PTPRG: variants seen among roughly 807,000 people sequenced by gnomAD.
PTPRG encodes the protein receptor-type tyrosine-protein phosphatase gamma.
In PTPRG, 102 loss-of-function variants were observed where a neutral mutation model predicts 165.3. The observed-to-expected ratio is 0.62, with a 90% confidence interval of 0.53 to 0.73. The LOEUF (loss-of-function observed/expected upper bound fraction) is 0.73, where lower values mean the gene tolerates loss of function less well. Ranked by LOEUF, PTPRG falls within the 30% of genes least tolerant of loss-of-function variation. The pLI, the probability that PTPRG is intolerant of heterozygous loss-of-function variation, is 0.00. For missense variants in PTPRG, 1,866 were observed against 1,861.4 expected (o/e 1.00, Z -0.05); for synonymous variants, 675 against 669.5 (o/e 1.01, Z -0.13).
At chr3:61,899,124 C>T (rs908180770) in intron 2 of PTPRG, among the ~76,000 whole-genome samples, 1 of 152,124 alleles carries the variant, frequency 6.6e-6, no homozygotes, top group African/African-American at 2.4e-5. Context: ...ATTCTGTTAG[C>T]CAGGCTGTAA....
intron 28 of PTPRG, among the ~76,000 whole-genome samples, chr3:62,290,068 A>G (rs1702824941): frequency 6.6e-6 from 1 of 152,152 alleles, no homozygotes; most frequent in African/African-American, 2.4e-5. Flanking sequence ...CTTCCCATGC[A>G]TGAAGTGAAA....
intron 1 of PTPRG, among the ~76,000 whole-genome samples, chr3:61,681,727 CAGT>C (rs1559555124): frequency 1.3e-5 from 2 of 152,090 alleles, no homozygotes; most frequent in Non-Finnish European, 2.9e-5. Context: ...ACCAAATAAA[CAGT>C]AGCCATTATG....
At chr3:61,564,140 C>T (rs574185716) in intron 1 of PTPRG, among the ~76,000 whole-genome samples, 31 of 152,312 alleles carry the variant, frequency 2.0e-4, no homozygotes, top group Non-Finnish European at 4.0e-4. Flanking sequence ...AAACAGCTGC[C>T]TTCATTCACT....
At chr3:61,865,412 G>C (rs1389924285) in intron 2 of PTPRG, among the ~76,000 whole-genome samples, 1 of 152,146 alleles carries the variant, frequency 6.6e-6, no homozygotes, top group Non-Finnish European at 1.5e-5. Context: ...TGAGGAAACG[G>C]GATATTAGAG....
chr3:61,965,811 T>C (rs1410849321), intron 2 of PTPRG, among the ~76,000 whole-genome samples: 5 of 152,358 alleles, frequency 3.3e-5, no homozygotes, highest in East Asian at 1.9e-4. Flanking sequence ...ATGAAGAGTT[T>C]AGGTAACTTG....
intron 1 of PTPRG, among the ~76,000 whole-genome samples, chr3:61,707,448 G>A (rs1369663944): frequency 1.3e-5 from 2 of 152,074 alleles, no homozygotes; most frequent in Non-Finnish European, 2.9e-5. Context: ...TGAAGACCCA[G>A]GAAGAGCTGA....
At chr3:61,956,599 A>G (rs1176898091) in intron 2 of PTPRG, among the ~76,000 whole-genome samples, 1 of 152,234 alleles carries the variant, frequency 6.6e-6, no homozygotes, top group Non-Finnish European at 1.5e-5. Flanking sequence ...GCCAGTCACC[A>G]TATCTGGAGA....
chr3:61,885,680 T>TCC (rs1559669115), intron 2 of PTPRG, among the ~76,000 whole-genome samples: 11 of 2,948 alleles, frequency 3.7e-3, no homozygotes, highest in Non-Finnish European at 6.1e-3. Flanking sequence ...TCCTCTCCTC[T>TCC]CCTCTCCTCT....
intron 1 of PTPRG, among the ~76,000 whole-genome samples, chr3:61,621,098 GTTCTTATA>G (rs1376221917): frequency 4.4e-5 from 6 of 137,184 alleles, no homozygotes; most frequent in African/African-American, 1.4e-4. Flanking sequence ...TATCTGTTAT[GTTCTTATA>G]CTAAAATCCT....
chr3:62,212,922 A>G (rs1254520077), intron 12 of PTPRG, among the ~76,000 whole-genome samples: 7 of 152,226 alleles, frequency 4.6e-5, no homozygotes, highest in African/African-American at 1.7e-4. Flanking sequence ...CAAGTCAGGC[A>G]GGAATTGAAG....
chr3:61,680,651 AAG>A (rs1703405681), intron 1 of PTPRG, among the ~76,000 whole-genome samples: 1 of 151,846 alleles, frequency 6.6e-6, no homozygotes, highest in African/African-American at 2.4e-5. Flanking sequence ...GGAAAAAAAA[AAG>A]AGGGCATGGA....
chr3:61,842,396 C>A (rs926562056), intron 2 of PTPRG, among the ~76,000 whole-genome samples: 1 of 152,184 alleles, frequency 6.6e-6, no homozygotes, highest in African/African-American at 2.4e-5. Context: ...CTCAAGTCTT[C>A]AGTCTGCACC....
At chr3:61,840,495 G>A (rs555475889) in intron 2 of PTPRG, among the ~76,000 whole-genome samples, 1 of 152,272 alleles carries the variant, frequency 6.6e-6, no homozygotes, top group African/African-American at 2.4e-5. Flanking sequence ...CACTTTGTAA[G>A]TGTGTAATGA....
intron 5 of PTPRG, among the ~76,000 whole-genome samples, chr3:62,123,400 CA>C (rs964005271): frequency 1.3e-5 from 2 of 152,140 alleles, no homozygotes; most frequent in African/African-American, 4.8e-5. Context: ...TGTGCACCAC[CA>C]AACACTGGCT....
intron 2 of PTPRG, among the ~76,000 whole-genome samples, chr3:61,882,912 T>TC (rs1197638625): frequency 6.6e-6 from 1 of 152,202 alleles, no homozygotes; most frequent in Non-Finnish European, 1.5e-5. Flanking sequence ...TGCTGCCATC[T>TC]CAGGCCTCTG....
intron 2 of PTPRG, among the ~76,000 whole-genome samples, chr3:61,752,654 C>T (rs1033782579): frequency 6.6e-5 from 10 of 151,346 alleles, no homozygotes; most frequent in South Asian, 4.2e-4. Flanking sequence ...GGTGTGGTGG[C>T]GGGCACCTAT....
intron 16 of PTPRG, among the ~76,000 whole-genome samples, chr3:62,258,818 T>C (rs975730370): frequency 5.9e-5 from 9 of 152,176 alleles, no homozygotes; most frequent in Non-Finnish European, 1.2e-4. Flanking sequence ...TTCAACCTCA[T>C]TGTCCTTCCC....
intron 2 of PTPRG, among the ~76,000 whole-genome samples, chr3:61,888,946 T>A (rs2038131289): frequency 6.6e-6 from 1 of 152,214 alleles, no homozygotes. Flanking sequence ...TTCTTTGTGA[T>A]TTGATTTGGG....
At chr3:61,714,484 C>T (rs755661380) in intron 1 of PTPRG, among the ~76,000 whole-genome samples, 9 of 151,900 alleles carry the variant, frequency 5.9e-5, no homozygotes, top group Non-Finnish European at 1.0e-4. Context: ...TACTATGTGC[C>T]GAAGATGGGA....
Sources: allele counts gnomAD v4.1 joint callset (sites outside exome capture counted in the v4.1 genomes callset), GRCh38; gene constraint gnomAD v4.1.1; transcripts MANE v1.5; gene names NCBI Gene and HGNC (gene_info 2026-07-23, HGNC 2026-07-21).